Variants in CCDC192 observed in about 807,000 individuals in gnomAD.
CCDC192 encodes coiled-coil domain-containing protein 192.
At chr5:127,745,897 G>A (rs888167321) in intron 2 of CCDC192, among the ~76,000 whole-genome samples, 15 of 152,294 alleles carry the variant, frequency 9.8e-5, no homozygotes, top group African/African-American at 3.6e-4. Flanking sequence ...ATTGCACCTT[G>A]CAAAACTGGG....
At chr5:127,795,812 A>C (rs1005394483) in intron 3 of CCDC192, among the ~76,000 whole-genome samples, 1 of 152,106 alleles carries the variant, frequency 6.6e-6, no homozygotes, top group African/African-American at 2.4e-5. Context: ...CTTGGCTTTA[A>C]CCATTACACT....
chr5:127,878,045 G>A (rs917101449), intron 6 of CCDC192, among the ~76,000 whole-genome samples: 6 of 152,012 alleles, frequency 3.9e-5, no homozygotes, highest in African/African-American at 1.5e-4. Context: ...CTCTAAAGAT[G>A]GATTCCAGTC....
At chr5:127,861,017 C>CT (rs1751337827) in intron 5 of CCDC192, among the ~76,000 whole-genome samples, 1 of 151,256 alleles carries the variant, frequency 6.6e-6, no homozygotes, top group African/African-American at 2.4e-5. Context: ...CTTTTTTTTT[C>CT]TTTTTTTGTG....
chr5:127,724,722 G>T (rs930240976), intron 2 of CCDC192, among the ~76,000 whole-genome samples: 1 of 151,842 alleles, frequency 6.6e-6, no homozygotes, highest in East Asian at 1.9e-4. Flanking sequence ...GGTGGCACGC[G>T]CCTGTAGTCC....
intron 3 of CCDC192, among the ~76,000 whole-genome samples, chr5:127,770,785 T>C (rs1755505843): frequency 2.0e-5 from 3 of 152,226 alleles, no homozygotes; most frequent in Admixed American, 6.5e-5. Context: ...TGGATTAACA[T>C]AGAATAGATG....
chr5:127,782,044 A>AT (rs1756256622), intron 3 of CCDC192, among the ~76,000 whole-genome samples: 3 of 151,914 alleles, frequency 2.0e-5, no homozygotes, highest in African/African-American at 4.8e-5. Context: ...TAATAAATGG[A>AT]TTTTGTCAAA....
chr5:127,861,686 C>T (rs1445275065), intron 5 of CCDC192, among the ~76,000 whole-genome samples: 1 of 152,028 alleles, frequency 6.6e-6, no homozygotes, highest in Non-Finnish European at 1.5e-5. Context: ...TTTTTATTCT[C>T]TCTGTTCCAC....
chr5:127,791,309 A>G (rs1756854204), intron 3 of CCDC192, among the ~76,000 whole-genome samples: 1 of 152,264 alleles, frequency 6.6e-6, no homozygotes, highest in Non-Finnish European at 1.5e-5. Context: ...CCAAAGAAAG[A>G]TAAACTATAT....
intron 2 of CCDC192, among the ~76,000 whole-genome samples, chr5:127,711,182 G>A (rs1271487404): frequency 6.6e-5 from 10 of 152,170 alleles, no homozygotes; most frequent in Admixed American, 6.5e-4. Context: ...TATGTGGAGT[G>A]CCACATCTAA....
Position 127,890,830 on chromosome 5 carries a change from G to A in CCDC192, c.535+15169G>A, listed in dbSNP as rs370970131. Among the ~76,000 whole-genome samples the A allele has an allele frequency of 8.6e-5, 13 of 152,022 alleles. No homozygotes were observed. The East Asian group carries it at 1.7e-3, about 20-fold the overall frequency. On this transcript the variant is annotated intron_variant, in intron 6 of 6. Transcript: ENST00000514853. Reference sequence around the variant, plus strand: ...TATTCCCTGTCTCCATCATTTGCCCGACAAAACATCTGGTGGAAGCTATCT... The same window carrying A: ...TATTCCCTGTCTCCATCATTTGCCCAACAAAACATCTGGTGGAAGCTATCT...
intron 5 of CCDC192, among the ~76,000 whole-genome samples, chr5:127,825,097 G>T (rs1749465540): frequency 6.6e-6 from 1 of 152,148 alleles, no homozygotes; most frequent in Non-Finnish European, 1.5e-5. Context: ...TTCATCAAGT[G>T]TTTTCTTGAA....
intron 6 of CCDC192, among the ~76,000 whole-genome samples, chr5:127,914,969 A>G (rs1014186899): frequency 2.0e-5 from 3 of 152,210 alleles, no homozygotes; most frequent in African/African-American, 7.2e-5. Context: ...ACACAAGGAA[A>G]ATAGGACTTA....
intron 6 of CCDC192, among the ~76,000 whole-genome samples, chr5:127,912,647 C>T (rs965180407): frequency 2.0e-5 from 3 of 152,082 alleles, no homozygotes; most frequent in Admixed American, 6.5e-5. Flanking sequence ...AGAAGGTGTT[C>T]ATTGGAGCTA....
chr5:127,892,893 C>T (rs1752769137), intron 6 of CCDC192, among the ~76,000 whole-genome samples: 2 of 152,090 alleles, frequency 1.3e-5, no homozygotes, highest in African/African-American at 2.4e-5. Context: ...AAATAATGCT[C>T]TCCATTGTCT....
intron 5 of CCDC192, among the ~76,000 whole-genome samples, chr5:127,809,547 A>C (rs1580694608): frequency 6.6e-6 from 1 of 152,322 alleles, no homozygotes; most frequent in African/African-American, 2.4e-5. Flanking sequence ...ACACTCATGA[A>C]CATATCAGAC....
chr5:127,822,385 G>A (rs570977199), intron 5 of CCDC192, among the ~76,000 whole-genome samples: 3 of 152,192 alleles, frequency 2.0e-5, no homozygotes, highest in African/African-American at 7.2e-5. Flanking sequence ...ATATTTACAG[G>A]ATGCCTATGG....
intron 2 of CCDC192, among the ~76,000 whole-genome samples, chr5:127,737,025 G>T (rs934947737): frequency 4.0e-5 from 6 of 150,992 alleles, no homozygotes; most frequent in Admixed American, 3.3e-4. Context: ...TGATGTTAGG[G>T]TGTCAATTTT....
intron 5 of CCDC192, among the ~76,000 whole-genome samples, chr5:127,831,628 T>G (rs1416081342): frequency 7.3e-6 from 1 of 137,582 alleles, no homozygotes; most frequent in Non-Finnish European, 1.6e-5. Context: ...ATTTAAAGTC[T>G]TGGAAATAAA....
intron 3 of CCDC192, among the ~76,000 whole-genome samples, chr5:127,791,177 A>G (rs1172517864): frequency 6.6e-6 from 1 of 152,258 alleles, no homozygotes; most frequent in East Asian, 1.9e-4. Context: ...GTGTACAGCA[A>G]AATAACAATT....
Sources: gnomAD v4.1 joint callset for allele counts (sites outside exome capture counted in the v4.1 genomes callset) on GRCh38, gnomAD v4.1.1 for gene constraint, MANE v1.5 for transcripts, NCBI Gene and HGNC (gene_info 2026-07-23, HGNC 2026-07-21) for gene names.